The following ASH1L variants were observed in gnomAD, a reference collection of about 807,000 sequenced individuals.
The protein encoded by ASH1L is histone-lysine N-methyltransferase ASH1L.
In ASH1L, 23 loss-of-function variants were observed where a neutral mutation model predicts 269.0. The ratio of observed to expected loss-of-function variants is 0.09; its 90% CI spans 0.06 to 0.12. The LOEUF (loss-of-function observed/expected upper bound fraction) is 0.12, where lower values mean the gene tolerates loss of function less well. ASH1L is among the 10% of genes least tolerant of loss of function. ASH1L has a pLI of 1.00. For missense variants in ASH1L, 2,912 were observed against 3,567.8 expected, an observed-to-expected ratio of 0.82 and a Z score of 4.68; for synonymous variants, 1,187 against 1,253.5, an observed-to-expected ratio of 0.95 and a Z score of 1.12.
At chr1:155,431,316 G>A (rs1213674745) in intron 5 of ASH1L, among the ~76,000 whole-genome samples, 1 of 151,726 alleles carries the variant, frequency 6.6e-6, no homozygotes, top group African/African-American at 2.4e-5. Context: ...TTAGAGGCAA[G>A]GTCACACTCT....
At chr1:155,462,091 C>T (rs978849099) in intron 3 of ASH1L, among the ~76,000 whole-genome samples, 2 of 152,286 alleles carry the variant, frequency 1.3e-5, no homozygotes, top group East Asian at 1.9e-4. Context: ...TGAGCCACTG[C>T]GCCCAGCCCT....
At chr1:155,437,393 A>G (rs2148615633) in intron 5 of ASH1L, among the ~76,000 whole-genome samples, 1 of 152,300 alleles carries the variant, frequency 6.6e-6, no homozygotes, top group East Asian at 1.9e-4. Context: ...AACTACAATG[A>G]GATACCCATC....
At chr1:155,517,314 C>T (rs991229338) in intron 2 of ASH1L, among the ~76,000 whole-genome samples, 1 of 151,920 alleles carries the variant, frequency 6.6e-6, no homozygotes, top group Non-Finnish European at 1.5e-5. Flanking sequence ...GCCTGGATGA[C>T]GGAGCAAGAC....
intron 5 of ASH1L, among the ~76,000 whole-genome samples, chr1:155,432,235 C>T (rs1389726239): frequency 6.6e-6 from 1 of 152,170 alleles, no homozygotes; most frequent in African/African-American, 2.4e-5. Context: ...TGTATGCTCT[C>T]TCCTCACTCC....
chr1:155,433,964 C>A (rs1355808456), intron 5 of ASH1L: 2 of 1,581,114 alleles, frequency 1.3e-6, no homozygotes, highest in Middle Eastern at 3.3e-4. Context: ...GCAGATCAGC[C>A]ACATCGCCCA....
chr1:155,342,762 G>T (rs1652921651), intron 24 of ASH1L, among the ~76,000 whole-genome samples: 1 of 152,002 alleles, frequency 6.6e-6, no homozygotes, highest in African/African-American at 2.4e-5. Flanking sequence ...ATTCCACAAA[G>T]GAACATAGAT....
Position 155,562,380 on chromosome 1 carries a change from T to TG in ASH1L, c.-328dup. 1 of 1,506,382 alleles carries TG rather than the reference T, an allele frequency of 6.6e-7. No homozygotes were observed. Among genetic ancestry groups the TG allele is most frequent in the Non-Finnish European group, 9.0e-7 (1 of 1,107,102 alleles). 93.3% of individuals were successfully genotyped at this position (1,506,382 alleles called of 1,614,324 possible). On this transcript the variant is annotated 5_prime_UTR_variant, in exon 1 of 28. Transcript: ENST00000392403. ...GGGAGGCGGGTCCCGCAACCGAGAC[T>TG]GGGATCGTCTCCCCTCCGCAAAGCG...
Position 155,337,646 on chromosome 1 carries a change from T to G in ASH1L, c.*14A>C. ...ACTGGATCCCAGATGCTTGAGGTTC[T>G]CATTCTTTGAGGGTCACTTTCGAAA... On this transcript the variant is annotated 3_prime_UTR_variant, in exon 28 of 28. Transcript: ENST00000392403. 1 of 1,610,004 alleles carries G rather than the reference T, an allele frequency of 6.2e-7. No individual in the cohort carries two copies. Among genetic ancestry groups the G allele is most frequent in the Non-Finnish European group, 8.5e-7 (1 of 1,176,384 alleles).
intron 15 of ASH1L, among the ~76,000 whole-genome samples, chr1:155,356,623 A>G (rs866699548): frequency 1.3e-5 from 2 of 150,588 alleles, no homozygotes; most frequent in South Asian, 4.2e-4. Context: ...AGCCTGGGCG[A>G]CACAGCGAGA....
intron 6 of ASH1L, among the ~76,000 whole-genome samples, chr1:155,400,690 C>T (rs1169850213): frequency 1.3e-5 from 2 of 152,146 alleles, no homozygotes; most frequent in Non-Finnish European, 2.9e-5. Flanking sequence ...TCATAAATTA[C>T]CTTCCTAAAG....
At position 155,523,802 on chromosome 1, in the gene ASH1L, C is replaced by T. The variant is rs1401261983; in HGVS notation, c.-99-2184G>A. Among the ~76,000 whole-genome samples the T allele has an allele frequency of 4.6e-5, 7 of 151,746 alleles. No individual in the cohort carries two copies. The East Asian group carries it at 9.6e-4, about 21-fold the overall frequency. Reference sequence around the variant, plus strand: ...ATGAGAATCACTTGAACCTGGCAGGCGGAGGTTGCAGTGAGCCAAGATCAT... The same window carrying T: ...ATGAGAATCACTTGAACCTGGCAGGTGGAGGTTGCAGTGAGCCAAGATCAT... On this transcript the variant is annotated intron_variant, in intron 1 of 27. Coordinates refer to ENST00000392403, the MANE Select transcript of ASH1L (RefSeq NM_018489.3).
intron 1 of ASH1L, among the ~76,000 whole-genome samples, chr1:155,541,004 G>A (rs1305237477): frequency 6.6e-6 from 1 of 152,134 alleles, no homozygotes; most frequent in African/African-American, 2.4e-5. Context: ...CCTAGACTTG[G>A]GAGGCTGAGG....
At chr1:155,419,324 A>G (rs1660481976) in intron 5 of ASH1L, 1 of 152,044 alleles carries the variant, frequency 6.6e-6, no homozygotes, top group African/African-American at 2.4e-5. Context: ...ACAGTGTTAA[A>G]AGGAGAGGCA....
intron 2 of ASH1L, among the ~76,000 whole-genome samples, chr1:155,483,245 T>C (rs919339866): frequency 6.6e-6 from 1 of 152,170 alleles, no homozygotes; most frequent in East Asian, 1.9e-4. Context: ...TGTTTGTGGA[T>C]AGGAAGACAT....
chr1:155,354,031 G>A (rs1654146254), intron 16 of ASH1L, among the ~76,000 whole-genome samples: 1 of 152,202 alleles, frequency 6.6e-6, no homozygotes, highest in South Asian at 2.1e-4. Context: ...GGGATGGATA[G>A]GTTATTACTG....
chr1:155,370,297 G>GAAC (rs1655826816), intron 12 of ASH1L: 2 of 600,024 alleles, frequency 3.3e-6, no homozygotes, highest in Non-Finnish European at 5.7e-6. Context: ...CAAAAAAACA[G>GAAC]AACACAAATA....
rs147185606 is a variant in ASH1L, at chr1:155,438,779, G to A, written c.5376C>T (p.Pro1792=). ...LSEKLTSSCS[P]HHIKRSVVEA... ...CCACTACACTTCTCTTGATATGATG[G>A]GGGGAACAGCTGCTTGTCAACTTTT... The change falls in exon 5 of 28, where the codon CCC becomes CCT. Residue 1792 remains proline, a synonymous_variant. Transcript: ENST00000392403. 6.2e-7 allele frequency: 1 copy of A among 1,614,102 alleles called. No individual in the cohort carries two copies. The highest frequency in any genetic ancestry group is 1.1e-5 in the South Asian group (1 of 91,078).
intron 10 of ASH1L, 80 bp downstream of exon 10, chr1:155,378,201 A>G: frequency 9.2e-7 from 1 of 1,087,400 alleles, no homozygotes; most frequent in Non-Finnish European, 1.4e-6. Flanking sequence ...CAAAGAGCCT[A>G]TTTAACTGTA....
chr1:155,479,546 G>A lies in ASH1L; in HGVS notation c.3324C>T (p.Cys1108=), dbSNP rs200310585. Residue 1108 remains cysteine (C), a synonymous_variant, in exon 3 of 28, where the codon TGC becomes TGT. Coordinates refer to ENST00000392403, the MANE Select transcript of ASH1L (RefSeq NM_018489.3). ...CTCCACTAGTCCCAGAAGACTGAGA[G>A]CAAATAGGTGATGGAAGAATCTCAG... ...SSSEILPSPI[C]SQSSGTSGGQ... The A allele has an allele frequency of 1.2e-6, 2 of 1,614,194 alleles. No homozygotes were observed. Among genetic ancestry groups the A allele is most frequent in the Admixed American group, 1.7e-5 (1 of 60,022 alleles).
Sources: gnomAD v4.1 joint callset for allele counts (sites outside exome capture counted in the v4.1 genomes callset) on GRCh38, gnomAD v4.1.1 for gene constraint, MANE v1.5 for transcripts, NCBI Gene and HGNC (gene_info 2026-07-23, HGNC 2026-07-21) for gene names.